Variants in FHIT observed in about 807,000 individuals in gnomAD.
FHIT encodes fragile histidine triad diadenosine triphosphatase, also known as bis(5'-adenosyl)-triphosphatase.
A neutral mutation model predicts 17.9 loss-of-function variants in FHIT; 19 were observed. That is an observed-to-expected ratio of 1.06 (90% CI 0.74 to 1.56). The LOEUF (loss-of-function observed/expected upper bound fraction) is 1.56. Ranked by LOEUF, FHIT falls within the 40% of genes most tolerant of loss-of-function variation. The pLI, the probability that FHIT is intolerant of heterozygous loss-of-function variation, is 0.00. For missense variants in FHIT, 248 were observed against 189.2 expected, an observed-to-expected ratio of 1.31 and a Z score of -1.82; for synonymous variants, 81 against 69.7, an observed-to-expected ratio of 1.16 and a Z score of -0.81.
chr3:59,794,196 C>T (rs1023830288), intron 8 of FHIT, among the ~76,000 whole-genome samples: 13 of 152,298 alleles, frequency 8.5e-5, no homozygotes, highest in Middle Eastern at 3.4e-3. Flanking sequence ...CTAGAACGTA[C>T]CGTTGTCAGA....
At chr3:61,148,796 C>G (rs936768742) in intron 2 of FHIT, among the ~76,000 whole-genome samples, 13 of 152,030 alleles carry the variant, frequency 8.6e-5, no homozygotes, top group Non-Finnish European at 4.4e-5. Flanking sequence ...TTTATTTTAA[C>G]AGTATATTTA....
At chr3:60,006,590 C>G (rs1393478268) in intron 7 of FHIT, among the ~76,000 whole-genome samples, 1 of 151,822 alleles carries the variant, frequency 6.6e-6, no homozygotes, top group East Asian at 1.9e-4. Flanking sequence ...ATACCATGTA[C>G]TGAACATCAA....
At chr3:60,447,322 AT>A (rs1308814213) in intron 5 of FHIT, among the ~76,000 whole-genome samples, 1 of 152,164 alleles carries the variant, frequency 6.6e-6, no homozygotes, top group Non-Finnish European at 1.5e-5. Context: ...GAGTAATAAT[AT>A]AATTACTTCC....
At position 60,924,721 on chromosome 3, in the gene FHIT, G is replaced by A. The variant is rs552214657; in HGVS notation, c.-110-102710C>T. On this transcript the variant is annotated intron_variant, in intron 3 of 9. Coordinates refer to ENST00000492590, the MANE Select transcript of FHIT (RefSeq NM_002012.4). ...AAGCTGGACGGAGAATGACTTTGAC[G>A]AGTTGAGAGAAGAAGGCTTCAGACG... Among the ~76,000 whole-genome samples, 19 of 152,254 alleles carry A rather than the reference G, an allele frequency of 1.2e-4. No homozygotes were observed. The South Asian group carries it at 2.7e-3, about 22-fold the overall frequency.
At chr3:60,731,783 C>A (rs1433299337) in intron 4 of FHIT, among the ~76,000 whole-genome samples, 6 of 152,070 alleles carry the variant, frequency 3.9e-5, no homozygotes, top group African/African-American at 1.4e-4. Context: ...CCAGCTGCAA[C>A]CAATTATTAT....
chr3:60,964,228 G>C (rs1553782268), intron 3 of FHIT, among the ~76,000 whole-genome samples: 1 of 150,514 alleles, frequency 6.6e-6, no homozygotes, highest in Non-Finnish European at 1.5e-5. Flanking sequence ...TTTAAAGTCT[G>C]TTTTGTTAGA....
At chr3:61,207,917 T>A (rs540274542) in intron 1 of FHIT, among the ~76,000 whole-genome samples, 142 of 152,346 alleles carry the variant, frequency 9.3e-4, no homozygotes, top group African/African-American at 3.4e-3. Context: ...AGGGTGGCAC[T>A]TTTAGATCTT....
chr3:59,971,331 A>G (rs1708171219), intron 7 of FHIT, among the ~76,000 whole-genome samples: 1 of 152,064 alleles, frequency 6.6e-6, no homozygotes, highest in Non-Finnish European at 1.5e-5. Flanking sequence ...CACATGGGAG[A>G]GGCACCACTA....
At chr3:61,059,857 T>C (rs1450011430) in intron 2 of FHIT, among the ~76,000 whole-genome samples, 2 of 152,224 alleles carry the variant, frequency 1.3e-5, no homozygotes, top group African/African-American at 2.4e-5. Context: ...GGCCCCTGTC[T>C]ATGTAGGGTC....
At chr3:60,395,987 A>T (rs1701424859) in intron 5 of FHIT, among the ~76,000 whole-genome samples, 1 of 152,230 alleles carries the variant, frequency 6.6e-6, no homozygotes, top group East Asian at 1.9e-4. Context: ...AACAATGGCT[A>T]CAAACACCAC....
chr3:59,955,505 A>G (rs1393678043), intron 7 of FHIT, among the ~76,000 whole-genome samples: 1 of 152,154 alleles, frequency 6.6e-6, no homozygotes, highest in Non-Finnish European at 1.5e-5. Context: ...TGTTGCTGGC[A>G]CACACTTTTA....
chr3:60,808,305 T>C (rs1701466437), intron 4 of FHIT, among the ~76,000 whole-genome samples: 1 of 152,220 alleles, frequency 6.6e-6, no homozygotes, highest in Non-Finnish European at 1.5e-5. Flanking sequence ...CTAATTTTTT[T>C]ATTTCAACTG....
intron 5 of FHIT, among the ~76,000 whole-genome samples, chr3:60,360,488 T>C (rs558829763): frequency 6.6e-6 from 1 of 152,282 alleles, no homozygotes; most frequent in South Asian, 2.1e-4. Context: ...ATGCAAGTCT[T>C]TGACTCTGAG....
intron 2 of FHIT, among the ~76,000 whole-genome samples, chr3:61,161,865 G>A (rs1485992936): frequency 6.6e-6 from 1 of 152,210 alleles, no homozygotes; most frequent in African/African-American, 2.4e-5. Context: ...AGAATTAAAA[G>A]TGCCATTCTA....
At chr3:60,712,426 A>G (rs1329398725) in intron 4 of FHIT, among the ~76,000 whole-genome samples, 2 of 151,936 alleles carry the variant, frequency 1.3e-5, no homozygotes, top group African/African-American at 4.8e-5. Context: ...ACACATAACA[A>G]TATTAACTAT....
At chr3:60,891,571 T>A (rs946029988) in intron 3 of FHIT, among the ~76,000 whole-genome samples, 1 of 152,210 alleles carries the variant, frequency 6.6e-6, no homozygotes, top group African/African-American at 2.4e-5. Context: ...ATCTTCTGGA[T>A]CCAGCAGTTC....
At chr3:59,806,674 G>A (rs138596613) in intron 8 of FHIT, among the ~76,000 whole-genome samples, 1,194 of 9,566 alleles carry the variant, frequency 0.12, 14 homozygotes, top group African/African-American at 0.28. Context: ...ATATATATGT[G>A]TATATATATG....
At chr3:59,970,013 T>C (rs1708103506) in intron 7 of FHIT, among the ~76,000 whole-genome samples, 1 of 152,036 alleles carries the variant, frequency 6.6e-6, no homozygotes, top group Non-Finnish European at 1.5e-5. Context: ...ACCCAGAACA[T>C]AACTGAATAT....
At chr3:59,965,798 C>T (rs926247565) in intron 7 of FHIT, among the ~76,000 whole-genome samples, 11 of 151,964 alleles carry the variant, frequency 7.2e-5, no homozygotes, top group Non-Finnish European at 1.5e-4. Context: ...ATTTAAAATC[C>T]TTTTATCAAC....
Sources: gnomAD v4.1 joint callset for allele counts (sites outside exome capture counted in the v4.1 genomes callset) on GRCh38, gnomAD v4.1.1 for gene constraint, MANE v1.5 for transcripts, NCBI Gene and HGNC (gene_info 2026-07-23, HGNC 2026-07-21) for gene names.